The following DISC1 variants were observed in gnomAD, a reference collection of about 807,000 sequenced individuals.
DISC1 encodes the protein disrupted in schizophrenia 1 protein.
Under a neutral mutation model 84.5 loss-of-function variants are expected in DISC1, and 57 were observed. The ratio of observed to expected loss-of-function variants is 0.67; its 90% confidence interval spans 0.55 to 0.84. The LOEUF is 0.84. Among genes scored for constraint, DISC1 ranks in the 40% least tolerant of loss-of-function variants. The probability of loss-of-function intolerance (pLI) is 0.00; values close to 1 mark genes in which losing one functional copy is unlikely to be tolerated. For synonymous variants in DISC1, 411 were observed against 415.2 expected (o/e 0.99, Z 0.12); for missense variants, 1,000 against 1,057.8 (o/e 0.95, Z 0.76).
intron 11 of DISC1, among the ~76,000 whole-genome samples, chr1:232,014,038 A>T (rs1475828078): frequency 1.3e-5 from 2 of 152,194 alleles, no homozygotes; most frequent in African/African-American, 4.8e-5. Context: ...ACTTAGGGGT[A>T]TCATACTGTG....
At chr1:231,903,016 TCTC>T (rs2088311159) in intron 9 of DISC1, among the ~76,000 whole-genome samples, 1 of 151,890 alleles carries the variant, frequency 6.6e-6, no homozygotes, top group South Asian at 2.1e-4. Context: ...TTCTTCTCCT[TCTC>T]CTCTCTCTTC....
chr1:231,754,661 C>T (rs916842423), intron 4 of DISC1, among the ~76,000 whole-genome samples: 3 of 152,122 alleles, frequency 2.0e-5, no homozygotes, highest in Non-Finnish European at 4.4e-5. Flanking sequence ...TTATTCTGGT[C>T]TTGCCTAAGT....
intron 2 of DISC1, 60 bp from the exon 3 acceptor site, chr1:231,701,895 A>G (rs2066470803): frequency 7.0e-7 from 1 of 1,428,318 alleles, no homozygotes; most frequent in Non-Finnish European, 9.6e-7. Flanking sequence ...TAGTTTTCAC[A>G]AAAATGTTTG....
intron 4 of DISC1, among the ~76,000 whole-genome samples, chr1:231,765,319 G>A (rs145575426): frequency 6.6e-6 from 1 of 151,700 alleles, no homozygotes; most frequent in Non-Finnish European, 1.5e-5. Flanking sequence ...GGCTCAAGCA[G>A]TTCTCTGCCT....
chr1:231,776,176 A>T (rs191825527), intron 6 of DISC1, among the ~76,000 whole-genome samples: 68 of 152,296 alleles, frequency 4.5e-4, no homozygotes, highest in Admixed American at 3.8e-3. Context: ...TAGCATGCAT[A>T]TGGCTAACGG....
chr1:231,734,783 T>G (rs774645624), intron 3 of DISC1, among the ~76,000 whole-genome samples: 12 of 152,214 alleles, frequency 7.9e-5, no homozygotes, highest in Non-Finnish European at 1.3e-4. Flanking sequence ...CTTCCAAAAT[T>G]TTTGTATCAT....
chr1:231,800,169 A>G lies in DISC1; in HGVS notation c.1751A>G (p.Gln584Arg). Residue 584 changes from glutamine to arginine, a missense_variant, in exon 8 of 13, where the codon CAA (glutamine) becomes CGA (arginine). Physicochemically the swap from Gln to Arg is conservative, Grantham distance 43. Around this residue, in one of 3 missense-constraint regions of DISC1, gnomAD observed 397 missense variants for 377.5 expected, o/e 1.05. Transcript: ENST00000439617. ...LRKKVNDIET[Q>R]LPALLEAKMH... is the part of the protein sequence containing the mutation. ...AAGAAAGTTAACGATATTGAAACCCAACTACCAGCCTTGCTTGAAGCCAAA... is the reference window on the plus strand; with the variant it reads ...AAGAAAGTTAACGATATTGAAACCCGACTACCAGCCTTGCTTGAAGCCAAA... 1.2e-6 allele frequency: 2 copies of G among 1,612,096 alleles called. No individual in the cohort carries two copies. The highest frequency in any genetic ancestry group is 1.7e-6 in the Non-Finnish European group (2 of 1,179,744).
chr1:231,964,594 CAGG>C (rs1325273952), intron 10 of DISC1, among the ~76,000 whole-genome samples: 1 of 152,206 alleles, frequency 6.6e-6, no homozygotes, highest in African/African-American at 2.4e-5. Flanking sequence ...CACTTCAGAA[CAGG>C]AGGCCAGAGT....
intron 9 of DISC1, among the ~76,000 whole-genome samples, chr1:231,860,051 A>G (rs2084539893): frequency 6.6e-6 from 1 of 152,232 alleles, no homozygotes; most frequent in Non-Finnish European, 1.5e-5. Flanking sequence ...ATTTAGGTAG[A>G]GATCTTGTAC....
intron 10 of DISC1, chr1:231,959,117 T>C (rs1660034839): frequency 1.1e-5 from 13 of 1,230,834 alleles, no homozygotes; most frequent in Non-Finnish European, 1.2e-5. Flanking sequence ...CTTGGAGAGA[T>C]CACAGGAGAG....
At chr1:231,874,865 C>T (rs1203168380) in intron 9 of DISC1, among the ~76,000 whole-genome samples, 7 of 149,560 alleles carry the variant, frequency 4.7e-5, no homozygotes, top group African/African-American at 1.2e-4. Context: ...GAGCCGAGAT[C>T]GCGCCACTAC....
intron 4 of DISC1, chr1:231,750,583 G>A (rs2074503710): frequency 2.0e-6 from 2 of 985,616 alleles, no homozygotes; most frequent in Admixed American, 6.1e-5. Flanking sequence ...CTAATCCAGT[G>A]GCTTGTGGTC....
At chr1:231,995,879 T>G (rs1665885225) in intron 10 of DISC1, among the ~76,000 whole-genome samples, 1 of 151,654 alleles carries the variant, frequency 6.6e-6, no homozygotes, top group Non-Finnish European at 1.5e-5. Flanking sequence ...CTGGGTCAAA[T>G]GGTATTTCCA....
At position 232,038,125 on chromosome 1, in the gene DISC1, A is replaced by G. The variant is rs771817197; in HGVS notation, c.*1294A>G. On this transcript the variant is annotated 3_prime_UTR_variant, in exon 13 of 13. Transcript: ENST00000439617. The stretch of plus-strand genomic sequence containing the variant: ...AGTGCAGTGCTCAGTAAGGCAGTGA[A>G]TTGCTTAGTAACACAGTGTAGTGCT... The G allele has an allele frequency of 5.3e-5, 8 of 152,302 alleles. No individual in the cohort carries two copies. Among genetic ancestry groups the G allele is most frequent in the Non-Finnish European group, 4.4e-5 (3 of 68,150 alleles). The allele number at this position is 152,302 out of a possible 1,614,324, so 9.4% of individuals were successfully genotyped here.
intron 3 of DISC1, among the ~76,000 whole-genome samples, chr1:231,713,999 T>G (rs1457774255): frequency 6.6e-6 from 1 of 151,726 alleles, no homozygotes; most frequent in East Asian, 1.9e-4. Context: ...ATCCTATATG[T>G]AGAAAATCTT....
At chr1:231,773,587 T>C (rs981549667) in intron 6 of DISC1, among the ~76,000 whole-genome samples, 1 of 152,170 alleles carries the variant, frequency 6.6e-6, no homozygotes, top group Non-Finnish European at 1.5e-5. Flanking sequence ...GGTTTCACCA[T>C]GTTAGCCAGG....
At chr1:231,764,738 A>G (rs1277114661) in intron 4 of DISC1, among the ~76,000 whole-genome samples, 1 of 152,250 alleles carries the variant, frequency 6.6e-6, no homozygotes, top group Non-Finnish European at 1.5e-5. Flanking sequence ...CATGCAATCA[A>G]TACTTGGATG....
At chr1:231,649,269 T>A (rs182678408) in intron 1 of DISC1, among the ~76,000 whole-genome samples, 1 of 152,230 alleles carries the variant, frequency 6.6e-6, no homozygotes. Context: ...TTTGTTCGCA[T>A]TAGTTTCGAA....
At chr1:231,944,590 T>C (rs2091511545) in intron 9 of DISC1, among the ~76,000 whole-genome samples, 2 of 152,124 alleles carry the variant, frequency 1.3e-5, no homozygotes, top group African/African-American at 4.8e-5. Flanking sequence ...TCCAGGGTGT[T>C]AAACTCTACC....
Sources: gnomAD v4.1 joint callset for allele counts (sites outside exome capture counted in the v4.1 genomes callset) on GRCh38, gnomAD v4.1.1 for gene constraint, gnomAD v4.1.1 regional missense constraint, MANE v1.5 for transcripts, NCBI Gene and HGNC (gene_info 2026-07-23, HGNC 2026-07-21) for gene names.